LRRC49: variants seen among roughly 807,000 people sequenced by gnomAD.
LRRC49 encodes the protein leucine rich repeat containing 49.
Under a neutral mutation model 83.3 loss-of-function variants are expected in LRRC49, and 50 were observed. The observed-to-expected ratio is 0.60, with a 90% CI of 0.48 to 0.76. The LOEUF is 0.76. Ranked by LOEUF, LRRC49 falls within the 30% of genes least tolerant of loss-of-function variation. The pLI, the probability that LRRC49 is intolerant of heterozygous loss-of-function variation, is 0.00. For missense variants in LRRC49, 704 were observed against 809.1 expected (o/e 0.87, Z 1.58); for synonymous variants, 286 against 283.3 (o/e 1.01, Z -0.10).
chr15:70,859,524 C>T (rs1305535697), intron 1 of LRRC49: 2 of 676,898 alleles, frequency 3.0e-6, no homozygotes, highest in South Asian at 1.4e-5. Context: ...GAGGAGATTG[C>T]CAACCGCAGC....
At chr15:70,930,584 T>G (rs796762503) in intron 7 of LRRC49, among the ~76,000 whole-genome samples, 4 of 152,234 alleles carry the variant, frequency 2.6e-5, no homozygotes, top group Non-Finnish European at 5.9e-5. Context: ...TGAAGTTAGT[T>G]ATTGACTTCT....
At chr15:70,976,691 C>T (rs1022045307) in intron 9 of LRRC49, among the ~76,000 whole-genome samples, 1 of 151,452 alleles carries the variant, frequency 6.6e-6, no homozygotes, top group Non-Finnish European at 1.5e-5. Flanking sequence ...ATCCCAGATT[C>T]CCCCCCCAAC....
chr15:71,001,247 C>T, intron 11 of LRRC49, among the ~76,000 whole-genome samples: 1 of 152,050 alleles, frequency 6.6e-6, no homozygotes, highest in South Asian at 2.1e-4. Flanking sequence ...TAATCAGTTA[C>T]CCTAGTGCTA....
In LRRC49 at chr15:70,975,854, A is replaced by G. The variant is rs150086922; in HGVS notation, c.922-4247A>G. 2.0e-5 allele frequency among the ~76,000 whole-genome samples: 3 copies of G among 152,198 alleles called. No individual in the cohort carries two copies. The East Asian group carries it at 5.8e-4, about 29-fold the overall frequency. On this transcript the variant is annotated intron_variant, in intron 9 of 15. Transcript: ENST00000260382. The stretch of plus-strand genomic sequence containing the variant: ...TTTTCTGTTTTGGTAGACATTACTA[A>G]TGTTCACCAATATGCTCTGGTTCTC...
intron 9 of LRRC49, among the ~76,000 whole-genome samples, chr15:70,979,132 T>A (rs2037310370): frequency 6.6e-6 from 1 of 152,112 alleles, no homozygotes; most frequent in African/African-American, 2.4e-5. Flanking sequence ...TTTATTAAAA[T>A]CTGACAGTCT....
At chr15:70,902,892 T>C (rs1451053464) in intron 4 of LRRC49, among the ~76,000 whole-genome samples, 1 of 152,024 alleles carries the variant, frequency 6.6e-6, no homozygotes, top group East Asian at 1.9e-4. Flanking sequence ...AGTTATTATG[T>C]ATGTTTGCTT....
chr15:71,034,585 T>C (rs2039461572), intron 14 of LRRC49, among the ~76,000 whole-genome samples: 2 of 152,218 alleles, frequency 1.3e-5, no homozygotes, highest in Admixed American at 1.3e-4. Context: ...ACATGTATGT[T>C]TATTGCAGGA....
intron 1 of LRRC49, chr15:70,854,187 C>A: frequency 1.1e-6 from 1 of 900,430 alleles, no homozygotes; most frequent in African/African-American, 1.8e-5. Context: ...GGTGCGAGCG[C>A]GCCTGCCGCT....
intron 7 of LRRC49, among the ~76,000 whole-genome samples, chr15:70,932,049 C>T (rs2035426592): frequency 6.6e-6 from 1 of 152,184 alleles, no homozygotes; most frequent in African/African-American, 2.4e-5. Context: ...CATATCAGTG[C>T]CTTCTTACTG....
chr15:71,048,628 T>C, intron 15 of LRRC49: 1 of 369,804 alleles, frequency 2.7e-6, no homozygotes, highest in Non-Finnish European at 5.3e-6. Context: ...GCCTTGATAC[T>C]ATTCAGAAGT....
chr15:70,902,015 G>A (rs1373566030), intron 4 of LRRC49, among the ~76,000 whole-genome samples: 3 of 152,212 alleles, frequency 2.0e-5, no homozygotes, highest in East Asian at 3.9e-4. Flanking sequence ...AACTATCTGT[G>A]TTTATAGTTG....
chr15:70,993,686 C>T (rs2037976634), intron 11 of LRRC49, among the ~76,000 whole-genome samples: 1 of 151,976 alleles, frequency 6.6e-6, no homozygotes, highest in South Asian at 2.1e-4. Context: ...AACTTTATAG[C>T]ATTGGGCTTT....
At chr15:71,017,691 T>C (rs1214686447) in intron 14 of LRRC49, among the ~76,000 whole-genome samples, 1 of 152,170 alleles carries the variant, frequency 6.6e-6, no homozygotes, top group Non-Finnish European at 1.5e-5. Flanking sequence ...ACTTAAAAAT[T>C]TAAAAACCAA....
intron 8 of LRRC49, among the ~76,000 whole-genome samples, chr15:70,940,497 C>T (rs1445030652): frequency 6.6e-6 from 1 of 151,192 alleles, no homozygotes; most frequent in Non-Finnish European, 1.5e-5. Context: ...CCCGCCTTGG[C>T]CTCCCAAAGT....
chr15:71,038,729 C>A (rs1181900690), intron 15 of LRRC49, among the ~76,000 whole-genome samples: 1 of 152,098 alleles, frequency 6.6e-6, no homozygotes, highest in Non-Finnish European at 1.5e-5. Flanking sequence ...CTCTTAATAA[C>A]CTTCACTTAG....
intron 11 of LRRC49, among the ~76,000 whole-genome samples, chr15:70,997,611 C>T (rs1187794443): frequency 2.6e-5 from 4 of 152,070 alleles, no homozygotes; most frequent in African/African-American, 4.8e-5. Flanking sequence ...ATTAGCCAAG[C>T]GTGGTGGTGC....
chr15:70,865,580 A>G (rs1419922580), intron 1 of LRRC49, among the ~76,000 whole-genome samples: 1 of 152,246 alleles, frequency 6.6e-6, no homozygotes, highest in Non-Finnish European at 1.5e-5. Context: ...TACATCGAGA[A>G]TAGTCCCTTC....
chr15:70,989,628 A>C (rs915990298), intron 11 of LRRC49, among the ~76,000 whole-genome samples: 13 of 151,876 alleles, frequency 8.6e-5, no homozygotes, highest in Non-Finnish European at 1.8e-4. Context: ...TCTTCTTTCA[A>C]CTCGTCAAAG....
intron 14 of LRRC49, among the ~76,000 whole-genome samples, chr15:71,022,255 C>T (rs2039017247): frequency 6.6e-6 from 1 of 152,044 alleles, no homozygotes; most frequent in South Asian, 2.1e-4. Context: ...TGCCTGTAAT[C>T]CCAGCTACTC....
Sources: gnomAD v4.1 joint callset for allele counts (sites outside exome capture counted in the v4.1 genomes callset) on GRCh38, gnomAD v4.1.1 for gene constraint, MANE v1.5 for transcripts, NCBI Gene and HGNC (gene_info 2026-07-23, HGNC 2026-07-21) for gene names.